Variants in FER1L6 observed in about 807,000 individuals in gnomAD.
FER1L6 encodes the protein fer-1-like protein 6.
FER1L6 carries 177 observed loss-of-function variants against 219.2 expected under a neutral mutation model. The ratio of observed to expected loss-of-function variants is 0.81; its 90% CI spans 0.71 to 0.91. FER1L6 has a LOEUF of 0.91. FER1L6 is among the 40% of genes least tolerant of loss of function. FER1L6 has a pLI of 0.00. For synonymous variants in FER1L6, 768 were observed against 824.3 expected, an observed-to-expected ratio of 0.93 and a Z score of 1.17; for missense variants, 2,153 against 2,259.9, an observed-to-expected ratio of 0.95 and a Z score of 0.96.
chr8:123,949,360 A>G (rs1306123671), intron 1 of FER1L6, among the ~76,000 whole-genome samples: 2 of 152,354 alleles, frequency 1.3e-5, no homozygotes, highest in Admixed American at 6.5e-5. Context: ...ATCAAAAAAA[A>G]AATGAGGTTC....
intron 1 of FER1L6, among the ~76,000 whole-genome samples, chr8:123,879,244 A>C (rs1020641588): frequency 1.3e-5 from 2 of 152,192 alleles, no homozygotes; most frequent in African/African-American, 4.8e-5. Flanking sequence ...TTGAGGCTTC[A>C]GTGAGCTATA....
chr8:123,891,228 G>A (rs1403624806), intron 1 of FER1L6, among the ~76,000 whole-genome samples: 1 of 152,118 alleles, frequency 6.6e-6, no homozygotes, highest in Non-Finnish European at 1.5e-5. Context: ...AGTGACGAAA[G>A]TTACTTAATC....
chr8:124,047,080 A>C lies in FER1L6; in HGVS notation c.2724+1179A>C, dbSNP rs1402591906. 2.6e-5 allele frequency among the ~76,000 whole-genome samples: 4 copies of C among 152,252 alleles called. 1 individual carries two copies. The highest frequency in any genetic ancestry group is 2.6e-4 in the Admixed American group (4 of 15,290). On this transcript the variant is annotated intron_variant, in intron 21 of 40. Transcript: ENST00000522917. ...TTACCTTTTCAATTTTGTTCTTAAC[A>C]ACATGCTTTCAATTGTTAGTGTTTA... is the stretch of plus-strand genomic sequence containing the variant.
At chr8:123,956,797 A>G (rs1212669342) in intron 2 of FER1L6, among the ~76,000 whole-genome samples, 3 of 152,220 alleles carry the variant, frequency 2.0e-5, no homozygotes, top group African/African-American at 7.2e-5. Context: ...GGAGGTACAC[A>G]GCCAGGAAGC....
chr8:123,971,285 G>A (rs1563716450), intron 6 of FER1L6, among the ~76,000 whole-genome samples: 1 of 152,222 alleles, frequency 6.6e-6, no homozygotes, highest in African/African-American at 2.4e-5. Context: ...TGTGACTCTT[G>A]AAGAATGAGA....
rs1346569810 is a variant in FER1L6, at chr8:124,060,271, T to C, written c.2966T>C (p.Leu989Pro). The change falls in exon 23 of 41, where the codon CTG (leucine) becomes CCG (proline). Residue 989 changes from leucine (L) to proline (P), a missense_variant. By Grantham distance (98) the Leu-to-Pro change is moderately conservative. Transcript: ENST00000522917. ...GTTCCTGCCAACATTCGGCCGGTGC[T>C]GAGCAAATACCGAGTGGAGGTACGG... is the stretch of plus-strand genomic sequence containing the variant. ...YPVPANIRPVLSKYRVEVLFW... is the reference protein window; with the variant it reads ...YPVPANIRPVPSKYRVEVLFW... 4 of 1,614,176 alleles carry C rather than the reference T, an allele frequency of 2.5e-6. No individual in the cohort carries two copies. The highest frequency in any genetic ancestry group is 3.4e-6 in the Non-Finnish European group (4 of 1,180,018).
At chr8:123,903,998 C>T (rs551591284) in intron 1 of FER1L6, among the ~76,000 whole-genome samples, 34 of 152,278 alleles carry the variant, frequency 2.2e-4, no homozygotes, top group Middle Eastern at 3.4e-3. Context: ...AGGCCTCCTC[C>T]GAAGCTGGCA....
intron 19 of FER1L6, among the ~76,000 whole-genome samples, chr8:124,037,033 T>A (rs948028546): frequency 2.0e-5 from 3 of 152,132 alleles, no homozygotes; most frequent in African/African-American, 7.2e-5. Context: ...TAACCACAAG[T>A]AAAAAGCAAG....
chr8:123,998,380 C>G, intron 12 of FER1L6, among the ~76,000 whole-genome samples: 1 of 109,320 alleles, frequency 9.1e-6, no homozygotes, highest in Non-Finnish European at 1.8e-5. Context: ...GAAACTCTCT[C>G]TCTCTCTCTC....
chr8:124,039,850 A>T, intron 19 of FER1L6, 32 bp from the exon 20 acceptor site: 3 of 1,613,752 alleles, frequency 1.9e-6, no homozygotes, highest in Non-Finnish European at 2.5e-6. Context: ...AAAGCCCACT[A>T]ACACCTGCCC....
intron 22 of FER1L6, among the ~76,000 whole-genome samples, chr8:124,059,149 C>T (rs1373082520): frequency 1.3e-5 from 2 of 152,126 alleles, no homozygotes; most frequent in African/African-American, 4.8e-5. Flanking sequence ...TCCTATTGGC[C>T]AAGTCCCTGT....
chr8:124,058,767 C>T (rs1031094249), intron 22 of FER1L6: 3 of 152,180 alleles, frequency 2.0e-5, no homozygotes, highest in African/African-American at 7.2e-5. Context: ...TGAGGTGATG[C>T]TCGCAGGCTA....
In FER1L6 at chr8:123,969,725, G is replaced by A. The variant is rs145503114; in HGVS notation, c.385-310G>A. ...AAAATTTAAAAAAAAAATTATCCAG[G>A]TGTGGTGGTATAGGCCTGTAGTCCC... On this transcript the variant is annotated intron_variant, in intron 5 of 40. Transcript: ENST00000522917. Among the ~76,000 whole-genome samples, 794 of 152,060 alleles carry A rather than the reference G, an allele frequency of 5.2e-3. 6 individuals carry two copies. Among genetic ancestry groups the A allele is most frequent in the African/African-American group, 0.018 (744 of 41,468 alleles).
At chr8:124,066,586 C>T in intron 27 of FER1L6, 36 bp downstream of exon 27, 1 of 1,607,114 alleles carries the variant, frequency 6.2e-7, no homozygotes. Context: ...TTAAGAGATT[C>T]AATAAGGAAA....
intron 1 of FER1L6, among the ~76,000 whole-genome samples, chr8:123,953,448 G>GACT (rs1210144540): frequency 6.6e-6 from 1 of 152,118 alleles, no homozygotes; most frequent in Non-Finnish European, 1.5e-5. Flanking sequence ...AACTTCCTTA[G>GACT]GCGACTCCAA....
At chr8:124,027,842 G>A (rs147842765) in intron 18 of FER1L6, among the ~76,000 whole-genome samples, 1 of 152,106 alleles carries the variant, frequency 6.6e-6, no homozygotes, top group South Asian at 2.1e-4. Context: ...GATTACAGAC[G>A]AGAGCCATTG....
At chr8:124,099,661 A>C (rs4294164) in intron 37 of FER1L6, among the ~76,000 whole-genome samples, 121,258 of 152,106 alleles carry the variant, frequency 0.8, 48,721 homozygotes, top group Non-Finnish European at 0.86. Flanking sequence ...GAGCTTTTCA[A>C]AACACAATCT....
chr8:123,984,683 C>CTAGT (rs1816485833), intron 11 of FER1L6: 1 of 152,070 alleles, frequency 6.6e-6, no homozygotes, highest in Non-Finnish European at 1.5e-5. Flanking sequence ...TCACCCTGTT[C>CTAGT]GACATTTTCT....
chr8:124,034,815 T>C (rs1326333056), intron 18 of FER1L6, among the ~76,000 whole-genome samples: 1 of 152,188 alleles, frequency 6.6e-6, no homozygotes, highest in Admixed American at 6.5e-5. Flanking sequence ...AGGAAGAAGA[T>C]TTCAGCTCAG....
Sources: allele counts gnomAD v4.1 joint callset (sites outside exome capture counted in the v4.1 genomes callset), GRCh38; gene constraint gnomAD v4.1.1; transcripts MANE v1.5; gene names NCBI Gene and HGNC (gene_info 2026-07-23, HGNC 2026-07-21).